DGKH: variants seen among roughly 807,000 people sequenced by gnomAD.
DGKH encodes the protein diacylglycerol kinase eta.
In DGKH, 90 loss-of-function variants were observed where a neutral mutation model predicts 159.3. The ratio of observed to expected loss-of-function variants is 0.57; its 90% CI spans 0.48 to 0.67. The LOEUF is 0.67. Among genes scored for constraint, DGKH ranks in the 30% least tolerant of loss-of-function variants. DGKH has a pLI of 0.00. For missense variants in DGKH, 1,181 were observed against 1,506.1 expected, an observed-to-expected ratio of 0.78 and a Z score of 3.57; for synonymous variants, 536 against 553.8, an observed-to-expected ratio of 0.97 and a Z score of 0.45.
intron 11 of DGKH, among the ~76,000 whole-genome samples, chr13:42,172,794 C>T (rs113046388): frequency 0.096 from 14,532 of 150,992 alleles, 730 homozygotes; most frequent in Middle Eastern, 0.14. Flanking sequence ...CTGCCTCAGC[C>T]TCCTGAGTAG....
chr13:42,213,982 A>G (rs1394222609), intron 24 of DGKH, among the ~76,000 whole-genome samples: 3 of 152,188 alleles, frequency 2.0e-5, no homozygotes, highest in East Asian at 3.8e-4. Context: ...CTGTATGCCT[A>G]CCACGTCTCT....
At chr13:42,074,477 T>C (rs142962724) in intron 1 of DGKH, among the ~76,000 whole-genome samples, 3,665 of 152,300 alleles carry the variant, frequency 0.024, 57 homozygotes, top group Admixed American at 0.034. Context: ...AAACTTTTTA[T>C]TTATCAGTGA....
intron 13 of DGKH, among the ~76,000 whole-genome samples, chr13:42,183,021 G>A (rs1956817041): frequency 6.6e-6 from 1 of 152,026 alleles, no homozygotes. Context: ...AGGCATGGTG[G>A]TCCATGCCTA....
intron 12 of DGKH, among the ~76,000 whole-genome samples, chr13:42,175,842 G>A (rs779535297): frequency 5.9e-5 from 9 of 152,158 alleles, no homozygotes; most frequent in Non-Finnish European, 1.2e-4. Context: ...TGAAAACTGC[G>A]ATAAAAGTAG....
intron 1 of DGKH, among the ~76,000 whole-genome samples, chr13:42,084,469 G>A (rs953419065): frequency 2.6e-5 from 4 of 151,886 alleles, no homozygotes; most frequent in Non-Finnish European, 5.9e-5. Context: ...TTTTTTTAAA[G>A]GAAGTTATTC....
Position 42,241,500 on chromosome 13 carries a change from A to G in DGKH, c.*12312A>G, listed in dbSNP as rs1272818189. ...GTCAAGTACATATTTCATCAATCCT[A>G]TTTCCACAGCCGTACATGTGATCCC... On this transcript the variant is annotated 3_prime_UTR_variant, in exon 30 of 30. Transcript: ENST00000337343. The G allele has an allele frequency of 1.3e-5, 2 of 152,206 alleles. No individual in the cohort carries two copies. The highest frequency in any genetic ancestry group is 3.8e-4 in the East Asian group (2 of 5,202). 9.4% of individuals were successfully genotyped at this position (152,206 alleles called of 1,614,324 possible). A position where few individuals can be genotyped will look rare whatever the true frequency, so the allele number is the denominator to read the frequency against.
chr13:42,159,197 CT>C, intron 5 of DGKH, 68 bp from the exon 6 acceptor site: 3 of 833,932 alleles, frequency 3.6e-6, no homozygotes, highest in Middle Eastern at 4.0e-4. Context: ...CTGTGATTTC[CT>C]TTAATCATTG....
intron 3 of DGKH, among the ~76,000 whole-genome samples, chr13:42,152,237 A>G (rs1050425988): frequency 1.3e-5 from 2 of 152,172 alleles, no homozygotes; most frequent in Non-Finnish European, 2.9e-5. Flanking sequence ...ATAATTTGTT[A>G]CAATGGCAAT....
Position 42,205,475 on chromosome 13 carries a change from C to CTTTTCA in DGKH, c.2494-560_2494-555dup, listed in dbSNP as rs1016796125. On this transcript the variant is annotated intron_variant, in intron 20 of 29. Coordinates refer to ENST00000337343, the MANE Select transcript of DGKH (RefSeq NM_178009.5). ...TTTTTTCCATTTACATGGTAATTTA[C>CTTTTCA]TTTTCATTTAAGTGCTTAATGAGAA... 6.4e-4 allele frequency among the ~76,000 whole-genome samples: 97 copies of CTTTTCA among 152,258 alleles called. 2 individuals are homozygous for CTTTTCA. The highest frequency in any genetic ancestry group is 2.1e-3 in the African/African-American group (89 of 41,548).
chr13:42,063,516 A>T (rs1882334202), intron 1 of DGKH, among the ~76,000 whole-genome samples: 1 of 152,204 alleles, frequency 6.6e-6, no homozygotes, highest in African/African-American at 2.4e-5. Context: ...AGCAAGTTTG[A>T]TCTTTAAAAT....
chr13:42,123,846 G>A (rs1955121705), intron 1 of DGKH, among the ~76,000 whole-genome samples: 1 of 152,188 alleles, frequency 6.6e-6, no homozygotes, highest in Non-Finnish European at 1.5e-5. Context: ...TGGTGAGGAT[G>A]TGAAGCAACT....
intron 3 of DGKH, among the ~76,000 whole-genome samples, chr13:42,142,841 A>G (rs1320797288): frequency 1.3e-5 from 2 of 152,180 alleles, no homozygotes; most frequent in Admixed American, 6.5e-5. Flanking sequence ...GTCATCTACA[A>G]AAAGGGACAA....
chr13:42,130,264 A>G (rs1184924), intron 3 of DGKH, among the ~76,000 whole-genome samples: 131,370 of 152,126 alleles, frequency 0.86, 57,094 homozygotes, highest in Middle Eastern at 0.9. Flanking sequence ...AATTCTACCC[A>G]TGCCTATGCT....
intron 11 of DGKH, among the ~76,000 whole-genome samples, chr13:42,170,865 C>T (rs1956436815): frequency 6.6e-6 from 1 of 151,390 alleles, no homozygotes; most frequent in Non-Finnish European, 1.5e-5. Context: ...ATCGCTTGAA[C>T]CCGGGAGGCG....
rs747102269 is a variant in DGKH, at chr13:42,188,996, CT to C, written c.1639-35del. 40 of 1,585,782 alleles carry C rather than the reference CT, an allele frequency of 2.5e-5. No individual in the cohort carries two copies. In the African/African-American group the frequency reaches 2.6e-4, roughly 10 times the overall value. On this transcript the variant is annotated intron_variant, in intron 14 of 29. Coordinates refer to ENST00000337343, the MANE Select transcript of DGKH (RefSeq NM_178009.5). ...TGTACTTTGTCTGCTGATCTTGATTCTTTTTGAGTATTTTTCTCATTGCCAT... is the reference window on the plus strand; with the variant it reads ...TGTACTTTGTCTGCTGATCTTGATTCTTTTGAGTATTTTTCTCATTGCCAT...
intron 3 of DGKH, among the ~76,000 whole-genome samples, chr13:42,142,569 C>T (rs1955594428): frequency 6.6e-6 from 1 of 151,854 alleles, no homozygotes; most frequent in Non-Finnish European, 1.5e-5. Flanking sequence ...TCTTTTATTT[C>T]ATTGAGCAGT....
intron 1 of DGKH, among the ~76,000 whole-genome samples, chr13:42,061,071 C>T (rs573796494): frequency 9.9e-5 from 15 of 152,148 alleles, no homozygotes; most frequent in African/African-American, 2.9e-4. Context: ...AAGGGGTCTC[C>T]GAGCAGAAAG....
At chr13:42,135,507 A>AAAAAAAAAAAAAAAG (rs71096557) in intron 3 of DGKH, among the ~76,000 whole-genome samples, 6,324 of 111,950 alleles carry the variant, frequency 0.056, 614 homozygotes, top group Non-Finnish European at 0.092. Context: ...AAAAAAAAAA[A>AAAAAAAAAAAAAAAG]AGAGAGAGAG....
chr13:42,207,029 C>CTTTCTTTCTTTCTTTCTT (rs1957501891), intron 21 of DGKH, among the ~76,000 whole-genome samples: 2 of 92,016 alleles, frequency 2.2e-5, no homozygotes, highest in African/African-American at 9.0e-5. Flanking sequence ...CTTTCTTTTT[C>CTTTCTTTCTTTCTTTCTT]TTTCTTTCTT....
Sources: allele counts gnomAD v4.1 joint callset (sites outside exome capture counted in the v4.1 genomes callset), GRCh38; gene constraint gnomAD v4.1.1; transcripts MANE v1.5; gene names NCBI Gene and HGNC (gene_info 2026-07-23, HGNC 2026-07-21).